The following BOP1 variants were observed in gnomAD, a reference collection of about 807,000 sequenced individuals.
The protein encoded by BOP1 is BOP1 ribosomal biogenesis factor.
BOP1 carries 54 observed loss-of-function variants against 82.9 expected under a neutral mutation model. That is an observed-to-expected ratio of 0.65 (90% CI 0.52 to 0.82). BOP1 has a LOEUF of 0.82. Among genes scored for constraint, BOP1 ranks in the 40% least tolerant of loss-of-function variants. The pLI is 0.00. For missense variants in BOP1, 1,170 were observed against 1,072.0 expected, an observed-to-expected ratio of 1.09 and a Z score of -1.28; for synonymous variants, 566 against 451.1, an observed-to-expected ratio of 1.25 and a Z score of -3.23.
At chr8:144,277,144 C>T (rs950266996) in intron 2 of BOP1, among the ~76,000 whole-genome samples, 71 of 152,326 alleles carry the variant, frequency 4.7e-4, no homozygotes, top group Admixed American at 1.4e-3. Flanking sequence ...AACCCCAGAG[C>T]GAAGGCGGGC....
chr8:144,288,727 C>T (rs868980449), intron 2 of BOP1, among the ~76,000 whole-genome samples: 2 of 152,152 alleles, frequency 1.3e-5, no homozygotes, highest in African/African-American at 2.4e-5. Flanking sequence ...CGTTGGGGCC[C>T]CCATGCCGCC....
At chr8:144,273,930 G>A (rs1350279104) in intron 3 of BOP1, among the ~76,000 whole-genome samples, 2 of 152,224 alleles carry the variant, frequency 1.3e-5, no homozygotes, top group African/African-American at 4.8e-5. Flanking sequence ...CTGGAGTACA[G>A]CTCTCCTGTG....
intron 6 of BOP1, 39 bp from the exon 7 acceptor site, chr8:144,264,476 G>A (rs1234919261): frequency 1.2e-4 from 198 of 1,607,314 alleles, no homozygotes; most frequent in Middle Eastern, 8.6e-4. Context: ...AGTGCGGGGC[G>A]GTCAGCCCAG....
Position 144,263,816 on chromosome 8 carries a change from C to T in BOP1, c.1221+15G>A. On this transcript the variant is annotated intron_variant, in intron 9 of 15. Coordinates refer to ENST00000569669, the MANE Select transcript of BOP1 (RefSeq NM_015201.5). Reference sequence around the variant, plus strand: ...ACTGGGAGGGTGCAACCCCAGCCCCCTAGTCTCCACTTACCAGGGCCTGGC... The same window carrying T: ...ACTGGGAGGGTGCAACCCCAGCCCCTTAGTCTCCACTTACCAGGGCCTGGC... 4.3e-6 allele frequency: 7 copies of T among 1,610,322 alleles called. No homozygotes were observed. The highest frequency in any genetic ancestry group is 1.3e-5 in the African/African-American group (1 of 74,972).
Position 144,291,229 on chromosome 8 carries a change from C to G in BOP1, c.99+43G>C. The G allele has an allele frequency of 4.3e-6, 6 of 1,401,944 alleles. No individual in the cohort carries two copies. 86.8% of individuals were successfully genotyped at this position (1,401,944 alleles called of 1,614,324 possible). A position where few individuals can be genotyped will look rare whatever the true frequency, so the allele number is the denominator to read the frequency against. ...CCAGCGCGGCCACGTGCCCGCCGGG[C>G]CCTCTAGGGACGCGCCCCGCCGCCC... On this transcript the variant is annotated intron_variant, in intron 1 of 15. Transcript: ENST00000569669. The surrounding 1 kb of genome is among the most constrained non-coding windows in gnomAD (Gnocchi z 4.1).
At chr8:144,267,095 C>A in intron 3 of BOP1, 1 of 1,403,718 alleles carries the variant, frequency 7.1e-7, no homozygotes, top group African/African-American at 1.5e-5. Flanking sequence ...CCCCCGCCGC[C>A]GCCCCCGCCG....
chr8:144,266,645 C>T (rs1240600715), intron 3 of BOP1: 11 of 1,245,904 alleles, frequency 8.8e-6, no homozygotes, highest in African/African-American at 4.9e-5. Flanking sequence ...CCGGCGCCGC[C>T]GGGCCGCTAC....
Position 144,263,094 on chromosome 8 carries a change from C to T in BOP1, c.1653G>A (p.Val551=), listed in dbSNP as rs1554836716. The T allele has an allele frequency of 6.3e-7, 1 of 1,592,062 alleles. No homozygotes were observed. Among genetic ancestry groups the T allele is most frequent in the East Asian group, 2.2e-5 (1 of 44,644 alleles). Residue 551 remains valine (V), a synonymous_variant, in exon 13 of 16, where the codon GTG becomes GTA. Coordinates refer to ENST00000569669, the MANE Select transcript of BOP1 (RefSeq NM_015201.5). ...GGGTGTGGCCTTGGGTGGCCAGCAC[C>T]ACGGCCAGGTAGTCCCCACGCCCGT... ...TWHGRGDYLA[V]VLATQGHTQV... is the part of the protein sequence containing the mutation.
intron 3 of BOP1, among the ~76,000 whole-genome samples, chr8:144,273,304 C>T (rs1845521852): frequency 6.6e-6 from 1 of 152,210 alleles, no homozygotes; most frequent in African/African-American, 2.4e-5. Flanking sequence ...GGCCCGGCTG[C>T]ATCCCTGCGG....
At chr8:144,267,093 G>A (rs1285157934) in intron 3 of BOP1, 1 of 1,386,256 alleles carries the variant, frequency 7.2e-7, no homozygotes. Context: ...GCCCCCCGCC[G>A]CCGCCCCCGC....
intron 3 of BOP1, chr8:144,265,298 T>G: frequency 1.7e-6 from 1 of 603,132 alleles, no homozygotes; most frequent in Non-Finnish European, 2.9e-6. Context: ...GAGCTGCACC[T>G]TCACATTTTC....
At chr8:144,286,529 G>A (rs543687174) in intron 2 of BOP1, among the ~76,000 whole-genome samples, 7 of 133,450 alleles carry the variant, frequency 5.2e-5, no homozygotes, top group African/African-American at 2.0e-4. Flanking sequence ...GTGCATGGGC[G>A]CCACGGCAGG....
chr8:144,266,350 G>C (rs1017202740), intron 3 of BOP1, among the ~76,000 whole-genome samples: 3 of 150,506 alleles, frequency 2.0e-5, no homozygotes, highest in Admixed American at 6.6e-5. Flanking sequence ...GCCGAGGGAC[G>C]CGGCGGGCGC....
chr8:144,285,187 G>T (rs1554839329), intron 2 of BOP1, among the ~76,000 whole-genome samples: 1 of 152,250 alleles, frequency 6.6e-6, no homozygotes, highest in African/African-American at 2.4e-5. Flanking sequence ...AGCACCATCG[G>T]GGCCGGGTAT....
rs1815049546 is a variant in BOP1 at position 144,291,004 on chromosome 8, CA to C, written c.99+267del. On this transcript the variant is annotated intron_variant, in intron 1 of 15. Coordinates refer to ENST00000569669, the MANE Select transcript of BOP1 (RefSeq NM_015201.5). This position sits in a 1 kb window ranked among gnomAD's most constrained non-coding sequence, Gnocchi z 4.1. The stretch of plus-strand genomic sequence containing the variant: ...CGAGCCCTTTTATTGGCAGGATGCA[CA>C]AATGGAACGGCTGGAGAGGCTGCTG... Among the ~76,000 whole-genome samples, 1 of 152,226 alleles carries C rather than the reference CA, an allele frequency of 6.6e-6. No homozygotes were observed. The highest frequency in any genetic ancestry group is 2.4e-5 in the African/African-American group (1 of 41,460).
At chr8:144,288,515 G>A (rs11991631) in intron 2 of BOP1, among the ~76,000 whole-genome samples, 59,665 of 151,650 alleles carry the variant, frequency 0.39, 13,411 homozygotes, top group East Asian at 0.55. Context: ...GCGACAGAGT[G>A]AGACTCTGTC....
At chr8:144,267,210 G>A in intron 3 of BOP1, 3 of 1,489,384 alleles carry the variant, frequency 2.0e-6, no homozygotes, top group South Asian at 1.3e-5. Context: ...CGCCGAGGGG[G>A]GCCTCCAACG....
chr8:144,268,275 C>A, intron 3 of BOP1: 1 of 1,353,084 alleles, frequency 7.4e-7, no homozygotes, highest in Non-Finnish European at 1.0e-6. Flanking sequence ...CCAGCCCTGG[C>A]TGCGAGCGGG....
intron 3 of BOP1, chr8:144,268,179 G>T (rs1335625629): frequency 1.3e-6 from 2 of 1,548,890 alleles, no homozygotes; most frequent in South Asian, 2.4e-5. Flanking sequence ...AGACGCTGCT[G>T]GGGGAGGTGG....
Sources: gnomAD v4.1 joint callset for allele counts (sites outside exome capture counted in the v4.1 genomes callset) on GRCh38, gnomAD v4.1.1 for gene constraint, Gnocchi (gnomAD v3.1) non-coding constraint, MANE v1.5 for transcripts, NCBI Gene and HGNC (gene_info 2026-07-23, HGNC 2026-07-21) for gene names.